Variants in PPM1E observed in about 807,000 individuals in gnomAD.
PPM1E encodes the protein protein phosphatase, Mg2+/Mn2+ dependent 1E.
A neutral mutation model predicts 65.9 loss-of-function variants in PPM1E; 20 were observed. The observed-to-expected ratio is 0.30, with a 90% CI of 0.21 to 0.44. The LOEUF is 0.44. Ranked by LOEUF, PPM1E falls within the 20% of genes least tolerant of loss-of-function variation. PPM1E has a pLI of 1.00. For missense variants in PPM1E, 713 were observed against 953.1 expected, an observed-to-expected ratio of 0.75 and a Z score of 3.32; for synonymous variants, 352 against 374.9, an observed-to-expected ratio of 0.94 and a Z score of 0.70.
chr17:58,819,932 G>C lies in PPM1E; in HGVS notation c.464+63471G>C, dbSNP rs2050463091. ...GGCACCCGTAATCCCAGCTACTTGG[G>C]AGTCTGAGGCAGGAGAACGGCTTCA... is the stretch of plus-strand genomic sequence containing the variant. On this transcript the variant is annotated intron_variant, in intron 1 of 6. Transcript: ENST00000308249. 2.0e-5 allele frequency among the ~76,000 whole-genome samples: 3 copies of C among 152,172 alleles called. No homozygotes were observed. The South Asian group carries it at 6.2e-4, about 32-fold the overall frequency.
intron 1 of PPM1E, among the ~76,000 whole-genome samples, chr17:58,873,894 G>T (rs1445295982): frequency 1.3e-5 from 2 of 151,684 alleles, no homozygotes; most frequent in Non-Finnish European, 2.9e-5. Flanking sequence ...ACCGTGCCCG[G>T]CCTAGTGTTA....
In PPM1E at chr17:58,841,678, A is replaced by C. The variant is rs930991402; in HGVS notation, c.464+85217A>C. 2.0e-5 allele frequency among the ~76,000 whole-genome samples: 3 copies of C among 151,712 alleles called. 1 individual carries two copies. In the East Asian group the frequency reaches 5.8e-4, roughly 29 times the overall value. On this transcript the variant is annotated intron_variant, in intron 1 of 6. Transcript: ENST00000308249. ...GTAGCTGGGATTACAGGTGCACACC[A>C]CCGTGACCAGCTAATTTTTGTGGGT... is the stretch of plus-strand genomic sequence containing the variant.
rs1363644922 is a variant in PPM1E at position 58,981,899 on chromosome 17, G to A, written c.*868G>A. On this transcript the variant is annotated 3_prime_UTR_variant, in exon 7 of 7. Transcript: ENST00000308249. The stretch of plus-strand genomic sequence containing the variant: ...ATGTCAGGTACAAATACACTATAGA[G>A]TCAAAATACCATTTACAAAGAAAAT... The A allele has an allele frequency of 6.6e-6, 1 of 152,586 alleles. No individual in the cohort carries two copies. The highest frequency in any genetic ancestry group is 1.5e-5 in the Non-Finnish European group (1 of 68,028). 9.5% of individuals were successfully genotyped at this position (152,586 alleles called of 1,614,324 possible). A position where few individuals can be genotyped will look rare whatever the true frequency, so the allele number is the denominator to read the frequency against.
intron 1 of PPM1E, among the ~76,000 whole-genome samples, chr17:58,805,972 AACAAAAAAAAAAC>A (rs1567838832): frequency 3.0e-4 from 37 of 121,946 alleles, no homozygotes; most frequent in Non-Finnish European, 4.2e-4. Flanking sequence ...AAAAAAAAAA[AACAAAAAAAAAAC>A]AAAACAAAAC....
At chr17:58,872,259 T>C (rs1460450490) in intron 1 of PPM1E, among the ~76,000 whole-genome samples, 1 of 152,186 alleles carries the variant, frequency 6.6e-6, no homozygotes, top group East Asian at 1.9e-4. Context: ...ATTGCACCAC[T>C]GCACTCCAGC....
rs576055689 is a variant in PPM1E, at chr17:58,944,571, TTATA to T, written c.465-11077_465-11074del. Among the ~76,000 whole-genome samples the T allele has an allele frequency of 8.5e-3, 1,300 of 152,304 alleles. 17 individuals are homozygous for T. The highest frequency in any genetic ancestry group is 0.029 in the African/African-American group (1,212 of 41,564). ...TTCTGGGCTTTTCATATAATTATTA[TTATA>T]GAATTATAAATTCTACAATAAGTGG... is the stretch of plus-strand genomic sequence containing the variant. On this transcript the variant is annotated intron_variant, in intron 1 of 6. Transcript: ENST00000308249.
At chr17:58,838,670 T>C (rs2050686955) in intron 1 of PPM1E, among the ~76,000 whole-genome samples, 2 of 152,198 alleles carry the variant, frequency 1.3e-5, no homozygotes, top group Admixed American at 6.5e-5. Context: ...CATTTCTAGG[T>C]GCAATAGACA....
At chr17:58,821,660 G>T (rs2050481848) in intron 1 of PPM1E, among the ~76,000 whole-genome samples, 1 of 152,176 alleles carries the variant, frequency 6.6e-6, no homozygotes, top group African/African-American at 2.4e-5. Flanking sequence ...GCGGATACTG[G>T]TTAGCAAGGA....
At chr17:58,814,395 G>C (rs139744955) in intron 1 of PPM1E, among the ~76,000 whole-genome samples, 118 of 152,198 alleles carry the variant, frequency 7.8e-4, no homozygotes, top group African/African-American at 2.6e-3. Context: ...ATACACATTT[G>C]AGACTTCTAA....
Position 58,980,684 on chromosome 17 carries a change from A to G in PPM1E, c.1921A>G (p.Arg641Gly). 6.2e-7 allele frequency: 1 copy of G among 1,614,208 alleles called. No homozygotes were observed. The highest frequency in any genetic ancestry group is 8.5e-7 in the Non-Finnish European group (1 of 1,180,040). ...NLGSTGEQIY[R>G]MQSLSPVCSG... ...GGGTTCAACAGGGGAGCAGATATAC[A>G]GAATGCAGAGCTTGTCTCCTGTCTG... The change falls in exon 7 of 7, where the codon AGA becomes GGA. Residue 641 changes from arginine to glycine, a missense_variant. Coordinates refer to ENST00000308249, the MANE Select transcript of PPM1E (RefSeq NM_014906.5). This position sits in a 1 kb window ranked among gnomAD's most constrained non-coding sequence, Gnocchi z 4.7.
At chr17:58,837,338 C>T (rs7342904) in intron 1 of PPM1E, among the ~76,000 whole-genome samples, 61 of 131,620 alleles carry the variant, frequency 4.6e-4, no homozygotes, top group African/African-American at 1.9e-3. Flanking sequence ...CACATACACA[C>T]ACACACACAC....
intron 2 of PPM1E, among the ~76,000 whole-genome samples, chr17:58,958,223 T>A (rs539782334): frequency 2.0e-5 from 3 of 151,806 alleles, no homozygotes; most frequent in African/African-American, 7.2e-5. Flanking sequence ...TTTTTTTTTT[T>A]AGAGAGAGAA....
intron 1 of PPM1E, among the ~76,000 whole-genome samples, chr17:58,925,915 T>C (rs1283549695): frequency 6.6e-6 from 1 of 152,146 alleles, no homozygotes; most frequent in East Asian, 1.9e-4. Context: ...AAAATACATA[T>C]ATATAAATGA....
chr17:58,964,028 C>T (rs942978344), intron 2 of PPM1E, among the ~76,000 whole-genome samples: 7 of 152,054 alleles, frequency 4.6e-5, no homozygotes, highest in African/African-American at 1.4e-4. Flanking sequence ...ATTTTGAATA[C>T]GAAAAGAGGT....
intron 1 of PPM1E, among the ~76,000 whole-genome samples, chr17:58,786,335 C>T (rs549259287): frequency 7.2e-5 from 11 of 152,206 alleles, no homozygotes; most frequent in African/African-American, 2.2e-4. Flanking sequence ...TTTAAGGAAG[C>T]ACTTTATGGC....
chr17:58,945,658 C>CT (rs1386986060), intron 1 of PPM1E, among the ~76,000 whole-genome samples: 1 of 152,200 alleles, frequency 6.6e-6, no homozygotes, highest in African/African-American at 2.4e-5. Flanking sequence ...TTCTGACCAA[C>CT]TGGTTATAAA....
intron 1 of PPM1E, among the ~76,000 whole-genome samples, chr17:58,905,216 G>A (rs940580679): frequency 1.3e-5 from 2 of 151,788 alleles, no homozygotes; most frequent in South Asian, 2.1e-4. Flanking sequence ...TTGTCTTATT[G>A]CATTAACTAG....
Position 58,860,040 on chromosome 17 carries a change from T to C in PPM1E, c.465-95609T>C, listed in dbSNP as rs553705835. Among the ~76,000 whole-genome samples the C allele has an allele frequency of 1.6e-3, 250 of 152,334 alleles. 4 individuals carry two copies. The South Asian group carries it at 0.018, about 11-fold the overall frequency. Reference sequence around the variant, plus strand: ...CTTCATTGTTCAATAATGAGATTCTTATGTGGCTGTCATTTAGGGCCTTTT... The same window carrying C: ...CTTCATTGTTCAATAATGAGATTCTCATGTGGCTGTCATTTAGGGCCTTTT... On this transcript the variant is annotated intron_variant, in intron 1 of 6. Transcript: ENST00000308249.
In PPM1E at chr17:58,984,997, A is replaced by C. The variant is rs1373661245; in HGVS notation, c.*3966A>C. The C allele has an allele frequency of 6.6e-6, 1 of 152,656 alleles. No homozygotes were observed. The highest frequency in any genetic ancestry group is 2.4e-5 in the African/African-American group (1 of 41,450). The allele number at this position is 152,656 out of a possible 1,614,324, so 9.5% of individuals were successfully genotyped here. A position where few individuals can be genotyped will look rare whatever the true frequency, so the allele number is the denominator to read the frequency against. The stretch of plus-strand genomic sequence containing the variant: ...AAAGAATTCTCTATGGAGTGAAGCG[A>C]ATGAAGTGAATAATTTCTTACCAAA... On this transcript the variant is annotated 3_prime_UTR_variant, in exon 7 of 7. Coordinates refer to ENST00000308249, the MANE Select transcript of PPM1E (RefSeq NM_014906.5).
Sources: gnomAD v4.1 joint callset for allele counts (sites outside exome capture counted in the v4.1 genomes callset) on GRCh38, gnomAD v4.1.1 for gene constraint, Gnocchi (gnomAD v3.1) non-coding constraint, MANE v1.5 for transcripts, NCBI Gene and HGNC (gene_info 2026-07-23, HGNC 2026-07-21) for gene names.